GABRR2: variants seen among roughly 807,000 people sequenced by gnomAD.
GABRR2 encodes the protein gamma-aminobutyric acid type A receptor subunit rho2.
In GABRR2, 36 loss-of-function variants were observed where a neutral mutation model predicts 47.0. The ratio of observed to expected loss-of-function variants is 0.77; its 90% CI spans 0.59 to 1.01. The LOEUF (loss-of-function observed/expected upper bound fraction) is 1.01, where lower values mean the gene tolerates loss of function less well. Ranked by LOEUF, GABRR2 falls within the 50% of genes least tolerant of loss-of-function variation. The pLI is 0.00. For missense variants in GABRR2, 587 were observed against 594.6 expected, an observed-to-expected ratio of 0.99 and a Z score of 0.13; for synonymous variants, 204 against 227.5, an observed-to-expected ratio of 0.90 and a Z score of 0.93.
intron 2 of GABRR2, among the ~76,000 whole-genome samples, chr6:89,274,171 A>T (rs1035350456): frequency 6.6e-6 from 1 of 152,274 alleles, no homozygotes; most frequent in African/African-American, 2.4e-5. Context: ...CAAGGGAGGC[A>T]TCAGTGCTCT....
At chr6:89,272,402 C>T (rs1385222807) in intron 2 of GABRR2, among the ~76,000 whole-genome samples, 1 of 152,220 alleles carries the variant, frequency 6.6e-6, no homozygotes, top group Non-Finnish European at 1.5e-5. Context: ...CTGTGGGGTC[C>T]TGTCCTTTTC....
At chr6:89,258,720 C>T (rs80184746) in intron 8 of GABRR2, among the ~76,000 whole-genome samples, 1 of 138,900 alleles carries the variant, frequency 7.2e-6, no homozygotes, top group Admixed American at 7.0e-5. Context: ...AACCCTGTCT[C>T]TTTTTTTTAA....
Position 89,292,830 on chromosome 6 carries a change from G to GTATAT in GABRR2, c.220+6924_220+6928dup, listed in dbSNP as rs1491129456. Among the ~76,000 whole-genome samples the GTATAT allele has an allele frequency of 9.8e-4, 8 of 8,184 alleles. 2 individuals carry two copies. In the South Asian group the frequency reaches 0.028, roughly 28 times the overall value. The allele number at this position is 8,184 out of a possible 152,430, so 5.4% of individuals were successfully genotyped here. On this transcript the variant is annotated intron_variant, in intron 2 of 8. Transcript: ENST00000402938. ...GTATATACGATATATCGTATATATC[G>GTATAT]TATATACGATATATCGTATATATCA...
At chr6:89,295,387 G>T (rs1293491703) in intron 2 of GABRR2, among the ~76,000 whole-genome samples, 1 of 152,156 alleles carries the variant, frequency 6.6e-6, no homozygotes, top group Non-Finnish European at 1.5e-5. Context: ...TTCTCTGATG[G>T]CCAGTGATGA....
chr6:89,267,608 G>T lies in GABRR2; in HGVS notation c.736+71C>A, dbSNP rs1048820727. 4 of 1,433,544 alleles carry T rather than the reference G, an allele frequency of 2.8e-6. No homozygotes were observed. In the African/African-American group the frequency reaches 4.3e-5, roughly 15 times the overall value. The allele number at this position is 1,433,544 out of a possible 1,614,324, so 88.8% of individuals were successfully genotyped here. On this transcript the variant is annotated intron_variant, in intron 6 of 8. Coordinates refer to ENST00000402938, the MANE Select transcript of GABRR2 (RefSeq NM_002043.5). The stretch of plus-strand genomic sequence containing the variant: ...CACACACAAAACATATTTTCCTGGG[G>T]TTAAGGCTGAAGAAGAATTCAAATG...
At chr6:89,268,987 G>A in intron 4 of GABRR2, 24 bp downstream of exon 4, 1 of 1,601,018 alleles carries the variant, frequency 6.2e-7, no homozygotes, top group Non-Finnish European at 8.6e-7. Context: ...CTGGACAGAG[G>A]AACAATGGCC....
rs139672199 is a variant in GABRR2 at position 89,265,646 on chromosome 6, C to G, written c.856G>C (p.Asp286His). ...VMLSWVSFWI[D>H]RRAVPARVSL... is the part of the protein sequence containing the mutation. ...ACTCTGGCAGGCACAGCTCTGCGGT[C>G]GATCCAGAAGGACACCCAGGACAGC... Residue 286 changes from aspartate to histidine, a missense_variant, in exon 7 of 9, where the codon GAC becomes CAC. Asp to His is a moderately conservative substitution (Grantham distance 81). Transcript: ENST00000402938. 3 of 1,613,926 alleles carry G rather than the reference C, an allele frequency of 1.9e-6. No homozygotes were observed. The highest frequency in any genetic ancestry group is 2.5e-6 in the Non-Finnish European group (3 of 1,179,980).
intron 2 of GABRR2, 132 bp downstream of exon 2, chr6:89,299,627 T>C (rs1394065823): frequency 1.3e-5 from 8 of 628,846 alleles, no homozygotes; most frequent in Middle Eastern, 4.4e-4. Flanking sequence ...ACTCAGGAAA[T>C]GGAGTCAGAT....
Position 89,257,593 on chromosome 6 carries a change from TCAA to T in GABRR2, c.*74_*76del, listed in dbSNP as rs2127821957. Reference sequence around the variant, plus strand: ...GCATTGTTTGGTGAGGGGCGTGTGGTCAACAAGTCCGTCTGTCAATGACTGGCC... The same window carrying T: ...GCATTGTTTGGTGAGGGGCGTGTGGTCAAGTCCGTCTGTCAATGACTGGCC... On this transcript the variant is annotated 3_prime_UTR_variant, in exon 9 of 9. Transcript: ENST00000402938. 1 of 1,205,404 alleles carries T rather than the reference TCAA, an allele frequency of 8.3e-7. No homozygotes were observed. The highest frequency in any genetic ancestry group is 1.5e-5 in the African/African-American group (1 of 65,572). The allele number at this position is 1,205,404 out of a possible 1,614,324, so 74.7% of individuals were successfully genotyped here. A position where few individuals can be genotyped will look rare whatever the true frequency, so the allele number is the denominator to read the frequency against.
At position 89,296,716 on chromosome 6, in the gene GABRR2, C is replaced by T. The variant is rs570873463; in HGVS notation, c.220+3043G>A. Among the ~76,000 whole-genome samples the T allele has an allele frequency of 9.8e-5, 15 of 152,342 alleles. No individual in the cohort carries two copies. The South Asian group carries it at 2.7e-3, about 27-fold the overall frequency. On this transcript the variant is annotated intron_variant, in intron 2 of 8. Coordinates refer to ENST00000402938, the MANE Select transcript of GABRR2 (RefSeq NM_002043.5). ...CACACCACAAGGAGTCCACTTTCCT[C>T]CTGGAACTGGCTTGAGGAAGGAGCA...
At position 89,271,699 on chromosome 6, in the gene GABRR2, C is replaced by T. The variant is rs1774055696; in HGVS notation, c.244G>A (p.Asp82Asn). The T allele has an allele frequency of 1.2e-6, 2 of 1,612,492 alleles. No individual in the cohort carries two copies. The highest frequency in any genetic ancestry group is 1.7e-6 in the Non-Finnish European group (2 of 1,179,390). The change falls in exon 3 of 9, where the codon GAC (aspartate) becomes AAC (asparagine). Residue 82 changes from aspartate to asparagine, a missense_variant. Transcript: ENST00000402938. ...FGGPAIPVGVDVQVESLDSIS... is the reference protein window; with the variant it reads ...FGGPAIPVGVNVQVESLDSIS... ...CTGTCCAGGCTCTCCACCTGTACGT[C>T]CACGCCCACCGGGATGGCAGGGCCT...
At chr6:89,271,481 T>C (rs1774047915) in intron 3 of GABRR2, among the ~76,000 whole-genome samples, 174 bp downstream of exon 3, 1 of 152,184 alleles carries the variant, frequency 6.6e-6, no homozygotes. Flanking sequence ...CCTTAGGTTA[T>C]TTTTACCCAC....
chr6:89,258,731 AAAAAAAAGAAAGAAAG>A, intron 8 of GABRR2, among the ~76,000 whole-genome samples: 1 of 150,158 alleles, frequency 6.7e-6, no homozygotes, highest in African/African-American at 2.5e-5. Flanking sequence ...TTTTTTTTAA[AAAAAAAAGAAAGAAAG>A]AAAAAGATGA....
At chr6:89,277,217 T>C (rs1318262528) in intron 2 of GABRR2, among the ~76,000 whole-genome samples, 1 of 152,210 alleles carries the variant, frequency 6.6e-6, no homozygotes, top group African/African-American at 2.4e-5. Flanking sequence ...TAAGGGGCTC[T>C]TCCCCACTTT....
At chr6:89,295,526 A>T (rs890663489) in intron 2 of GABRR2, among the ~76,000 whole-genome samples, 1 of 152,160 alleles carries the variant, frequency 6.6e-6, no homozygotes, top group African/African-American at 2.4e-5. Flanking sequence ...TCTGGATATT[A>T]GCCCTGTGTC....
At chr6:89,304,159 T>C (rs909625103) in intron 1 of GABRR2, among the ~76,000 whole-genome samples, 8 of 152,030 alleles carry the variant, frequency 5.3e-5, no homozygotes, top group African/African-American at 1.9e-4. Context: ...ACATAGTAAA[T>C]AGACACCCTA....
intron 7 of GABRR2, among the ~76,000 whole-genome samples, chr6:89,264,997 G>A (rs1385682851): frequency 6.6e-6 from 1 of 152,138 alleles, no homozygotes; most frequent in Admixed American, 6.5e-5. Context: ...TCAGAGGTGT[G>A]CTTTAGTCGC....
chr6:89,308,602 C>G (rs55972408), intron 1 of GABRR2, among the ~76,000 whole-genome samples: 6,862 of 152,280 alleles, frequency 0.045, 207 homozygotes, highest in Middle Eastern at 0.068. Flanking sequence ...CCGATTTACA[C>G]CCCTACTTCT....
Position 89,291,553 on chromosome 6 carries a change from G to T in GABRR2, c.220+8206C>A, listed in dbSNP as rs185958567. Among the ~76,000 whole-genome samples the T allele has an allele frequency of 2.6e-5, 4 of 151,778 alleles. No homozygotes were observed. The East Asian group carries it at 5.8e-4, about 22-fold the overall frequency. On this transcript the variant is annotated intron_variant, in intron 2 of 8. Transcript: ENST00000402938. ...ACACTTCGCTGCTTCCTGCTCCGGG[G>T]TATACCCTTCTTCTTGCCTTTTCCT...
Sources: gnomAD v4.1 joint callset for allele counts (sites outside exome capture counted in the v4.1 genomes callset) on GRCh38, gnomAD v4.1.1 for gene constraint, MANE v1.5 for transcripts, NCBI Gene and HGNC (gene_info 2026-07-23, HGNC 2026-07-21) for gene names.